The following CLNK variants were observed in gnomAD, a reference collection of about 807,000 sequenced individuals.
CLNK encodes cytokine dependent hematopoietic cell linker, also known as cytokine-dependent hematopoietic cell linker.
CLNK carries 74 observed loss-of-function variants against 68.6 expected under a neutral mutation model. That is an observed-to-expected ratio of 1.08 (90% CI 0.89 to 1.31). The LOEUF is 1.31. Ranked by LOEUF, CLNK falls within the 50% of genes most tolerant of loss-of-function variation. The probability of loss-of-function intolerance (pLI) is 0.00; values close to 1 mark genes in which losing one functional copy is unlikely to be tolerated. For missense variants in CLNK, 553 were observed against 515.3 expected (o/e 1.07, Z -0.71); for synonymous variants, 198 against 172.2 (o/e 1.15, Z -1.17).
rs186290058 is a variant in CLNK at position 10,568,951 on chromosome 4, T to C, written c.150+2790A>G. 5.7e-3 allele frequency among the ~76,000 whole-genome samples: 861 copies of C among 152,246 alleles called. 10 individuals are homozygous for C. Among genetic ancestry groups the C allele is most frequent in the African/African-American group, 0.02 (827 of 41,548 alleles). ...TTATTTGGGTCTTTACTGTGAAGGG[T>C]GGGGCCTCAAGAAGTGACACCACTC... On this transcript the variant is annotated intron_variant, in intron 5 of 18. Transcript: ENST00000226951.
At chr4:10,600,145 C>A (rs1382791036) in intron 2 of CLNK, among the ~76,000 whole-genome samples, 1 of 152,198 alleles carries the variant, frequency 6.6e-6, no homozygotes, top group Admixed American at 6.5e-5. Context: ...CTGGGCCCGA[C>A]CTTTTTTTTT....
At chr4:10,497,577 T>C (rs1230751585) in intron 18 of CLNK, among the ~76,000 whole-genome samples, 2 of 152,228 alleles carry the variant, frequency 1.3e-5, no homozygotes, top group African/African-American at 4.8e-5. Context: ...TGCTCCTTAT[T>C]TGCCAAGATA....
intron 2 of CLNK, among the ~76,000 whole-genome samples, chr4:10,603,142 G>T (rs1386502482): frequency 6.6e-6 from 1 of 152,190 alleles, no homozygotes; most frequent in African/African-American, 2.4e-5. Context: ...ATGGAGTTTA[G>T]CTTAAGTTCT....
At chr4:10,524,423 A>G (rs749251513) in intron 14 of CLNK, among the ~76,000 whole-genome samples, 40 of 152,218 alleles carry the variant, frequency 2.6e-4, no homozygotes, top group Non-Finnish European at 4.7e-4. Context: ...AGGTCGCCCA[A>G]GTCACATGGT....
chr4:10,691,099 G>C, the CLNK span, among the ~76,000 whole-genome samples: 2 of 152,102 alleles, frequency 1.3e-5, no homozygotes, highest in Non-Finnish European at 2.9e-5. Flanking sequence ...GGAGGGGAGA[G>C]ATTTCCAAGT....
chr4:10,499,167 T>TA (rs1431325316), intron 18 of CLNK, among the ~76,000 whole-genome samples: 4 of 151,928 alleles, frequency 2.6e-5, no homozygotes, highest in Non-Finnish European at 5.9e-5. Flanking sequence ...CTACTTTATC[T>TA]AAAAAAAATC....
At chr4:10,716,100 G>T in the CLNK span, among the ~76,000 whole-genome samples, 1 of 152,138 alleles carries the variant, frequency 6.6e-6, no homozygotes, top group African/African-American at 2.4e-5. Context: ...CAGAATTGAG[G>T]TTTCAGCAAT....
intron 1 of CLNK, among the ~76,000 whole-genome samples, chr4:10,681,713 G>C (rs181863848): frequency 2.0e-5 from 3 of 152,318 alleles, no homozygotes; most frequent in Non-Finnish European, 4.4e-5. Flanking sequence ...TTGGAAGACA[G>C]TGATTGATGC....
At chr4:10,564,521 A>G (rs1038362795) in intron 7 of CLNK, 150 bp downstream of exon 7, 2 of 621,268 alleles carry the variant, frequency 3.2e-6, no homozygotes, top group Non-Finnish European at 5.8e-6. Flanking sequence ...ACCTCCTACC[A>G]GTCATAAGAG....
chr4:10,659,891 C>A lies in CLNK; in HGVS notation c.11+7968G>T, dbSNP rs557210031. Among the ~76,000 whole-genome samples, 11 of 152,244 alleles carry A rather than the reference C, an allele frequency of 7.2e-5. No individual in the cohort carries two copies. In the South Asian group the frequency reaches 2.3e-3, roughly 32 times the overall value. ...GGCAATCATTTTACAATTTTACTGT[C>A]AGGTGTACTTGAACTTAACAAAATT... is the stretch of plus-strand genomic sequence containing the variant. On this transcript the variant is annotated intron_variant, in intron 2 of 18. Coordinates refer to ENST00000226951, the MANE Select transcript of CLNK (RefSeq NM_052964.4).
chr4:10,568,150 G>A (rs1049019888), intron 5 of CLNK, among the ~76,000 whole-genome samples: 1 of 152,206 alleles, frequency 6.6e-6, no homozygotes, highest in African/African-American at 2.4e-5. Flanking sequence ...ATGAACTACT[G>A]CATAGGTAAT....
intron 1 of CLNK, among the ~76,000 whole-genome samples, chr4:10,682,143 G>C (rs1175323818): frequency 4.0e-5 from 6 of 151,880 alleles, no homozygotes; most frequent in African/African-American, 1.5e-4. Context: ...ATGTGTGTGT[G>C]TGTGTGTGTG....
the CLNK span, among the ~76,000 whole-genome samples, chr4:10,726,660 A>G: frequency 6.6e-6 from 1 of 152,208 alleles, no homozygotes; most frequent in African/African-American, 2.4e-5. Flanking sequence ...ATTATTATTA[A>G]TGAAGATTAA....
intron 2 of CLNK, among the ~76,000 whole-genome samples, chr4:10,610,959 G>A (rs966699473): frequency 1.3e-5 from 2 of 152,110 alleles, no homozygotes; most frequent in African/African-American, 2.4e-5. Context: ...CGAGGCAGGC[G>A]GATCACTTGA....
intron 1 of CLNK, among the ~76,000 whole-genome samples, chr4:10,683,644 G>A (rs1014779930): frequency 1.3e-5 from 2 of 152,210 alleles, no homozygotes; most frequent in Non-Finnish European, 2.9e-5. Context: ...CTGAAGGTAA[G>A]TAAATGCCAG....
At chr4:10,619,146 A>G (rs1722334239) in intron 2 of CLNK, among the ~76,000 whole-genome samples, 1 of 152,210 alleles carries the variant, frequency 6.6e-6, no homozygotes, top group African/African-American at 2.4e-5. Context: ...TTGGTAACAC[A>G]TTAGTCCTTC....
At position 10,564,693 on chromosome 4, in the gene CLNK, T is replaced by G. The variant is rs746951783; in HGVS notation, c.377A>C (p.Asn126Thr). The change falls in exon 7 of 19, where the codon AAC becomes ACC. Residue 126 changes from asparagine to threonine, a missense_variant. Physicochemically the swap from Asn to Thr is moderately conservative, Grantham distance 65. Transcript: ENST00000226951. ...TSISIGQPTW[N>T]TQTRLERVDK... ...CACTCTTTCCAACCTCGTCTGTGTG[T>G]TCCAGGTCGGCTGTCCAATGGAGAT... 1.9e-6 allele frequency: 3 copies of G among 1,612,940 alleles called. No individual in the cohort carries two copies. The highest frequency in any genetic ancestry group is 2.5e-6 in the Non-Finnish European group (3 of 1,178,946).
intron 2 of CLNK, among the ~76,000 whole-genome samples, chr4:10,644,884 T>C (rs1226026573): frequency 2.0e-5 from 3 of 152,322 alleles, no homozygotes; most frequent in Middle Eastern, 6.8e-3. Context: ...GGGATTCATA[T>C]ACTTCTTAAG....
At position 10,543,038 on chromosome 4, in the gene CLNK, C is replaced by G. The variant is rs11723685; in HGVS notation, c.446-758G>C. Among the ~76,000 whole-genome samples the G allele has an allele frequency of 2.0e-5, 3 of 152,146 alleles. No individual in the cohort carries two copies. The East Asian group carries it at 5.8e-4, about 29-fold the overall frequency. ...ACAAATACAATGCGATCCTTCCTGT[C>G]AAGGTGCTCCTAGCTGGGGTGTTCA... On this transcript the variant is annotated intron_variant, in intron 8 of 18. Coordinates refer to ENST00000226951, the MANE Select transcript of CLNK (RefSeq NM_052964.4).
Sources: allele counts gnomAD v4.1 joint callset (sites outside exome capture counted in the v4.1 genomes callset), GRCh38; gene constraint gnomAD v4.1.1; transcripts MANE v1.5; gene names NCBI Gene and HGNC (gene_info 2026-07-23, HGNC 2026-07-21).